The following NAPB variants were observed in gnomAD, a reference collection of about 807,000 sequenced individuals.
NAPB encodes NSF attachment protein beta, also known as beta-soluble NSF attachment protein.
Under a neutral mutation model 44.7 loss-of-function variants are expected in NAPB, and 26 were observed. That is an observed-to-expected ratio of 0.58 (90% CI 0.43 to 0.81). The LOEUF (loss-of-function observed/expected upper bound fraction) is 0.81. NAPB is among the 30% of genes least tolerant of loss of function. The probability of loss-of-function intolerance (pLI) is 0.00; values close to 1 mark genes in which losing one functional copy is unlikely to be tolerated. For missense variants in NAPB, 315 were observed against 356.4 expected (o/e 0.88, Z 0.94); for synonymous variants, 120 against 116.8 (o/e 1.03, Z -0.18).
chr20:23,379,994 A>T, intron 8 of NAPB, 59 bp from the exon 9 acceptor site: 1 of 1,388,458 alleles, frequency 7.2e-7, no homozygotes, highest in Non-Finnish European at 1.0e-6. Context: ...AGCTTTCAAC[A>T]TTCTATCAGC....
rs141596476 is a variant in NAPB at position 23,383,195 on chromosome 20, A to G, written c.562-1878T>C. Among the ~76,000 whole-genome samples, 14 of 151,312 alleles carry G rather than the reference A, an allele frequency of 9.3e-5. No homozygotes were observed. The East Asian group carries it at 2.3e-3, about 25-fold the overall frequency. On this transcript the variant is annotated intron_variant, in intron 7 of 10. Transcript: ENST00000377026. ...AAAAAAAAAAGGAAGCTGAAAAAGTACTTGAAGAAATAACTGCTAAATGAT... is the reference window on the plus strand; with the variant it reads ...AAAAAAAAAAGGAAGCTGAAAAAGTGCTTGAAGAAATAACTGCTAAATGAT...
At chr20:23,385,499 C>T (rs1983425292) in intron 7 of NAPB, among the ~76,000 whole-genome samples, 1 of 152,144 alleles carries the variant, frequency 6.6e-6, no homozygotes, top group Non-Finnish European at 1.5e-5. Flanking sequence ...GTGGCTCACA[C>T]CTGTAATCCT....
intron 3 of NAPB, among the ~76,000 whole-genome samples, chr20:23,395,417 T>G (rs906651653): frequency 6.6e-6 from 1 of 152,174 alleles, no homozygotes; most frequent in Non-Finnish European, 1.5e-5. Flanking sequence ...TGGAGTAACA[T>G]TGGCTTAGTT....
chr20:23,399,560 C>A (rs751946173), intron 2 of NAPB, among the ~76,000 whole-genome samples: 2 of 152,210 alleles, frequency 1.3e-5, no homozygotes, highest in South Asian at 2.1e-4. Context: ...TTTGTTATAG[C>A]CGCAGGAAGA....
At chr20:23,421,093 G>C (rs1338936704) in intron 1 of NAPB, among the ~76,000 whole-genome samples, 5 of 151,554 alleles carry the variant, frequency 3.3e-5, no homozygotes, top group African/African-American at 4.8e-5. Context: ...TGGAGGGCGC[G>C]TGCGGACTGA....
chr20:23,386,756 T>TTG (rs1983559942), intron 7 of NAPB, among the ~76,000 whole-genome samples: 1 of 152,224 alleles, frequency 6.6e-6, no homozygotes, highest in African/African-American at 2.4e-5. Context: ...CTGAAAGCTC[T>TTG]TCCTGGAAGT....
At chr20:23,387,038 T>G (rs936803196) in intron 7 of NAPB, among the ~76,000 whole-genome samples, 1 of 152,194 alleles carries the variant, frequency 6.6e-6, no homozygotes, top group Admixed American at 6.5e-5. Flanking sequence ...ACCATACGCT[T>G]ATCTCAATAG....
chr20:23,390,666 A>G (rs1355680092), intron 5 of NAPB, among the ~76,000 whole-genome samples: 1 of 152,242 alleles, frequency 6.6e-6, no homozygotes, highest in Non-Finnish European at 1.5e-5. Flanking sequence ...CCAAGTCCAG[A>G]GTGACACTGT....
intron 7 of NAPB, among the ~76,000 whole-genome samples, chr20:23,382,327 C>T (rs1019039893): frequency 2.0e-5 from 2 of 98,358 alleles, no homozygotes; most frequent in Non-Finnish European, 3.7e-5. Context: ...TCAAAGAAGG[C>T]CAACTGAAAA....
chr20:23,404,821 G>A (rs772037625), intron 1 of NAPB, among the ~76,000 whole-genome samples: 2 of 152,196 alleles, frequency 1.3e-5, no homozygotes, highest in South Asian at 2.1e-4. Flanking sequence ...CTGCTAGGAT[G>A]GCTAGGATGG....
intron 2 of NAPB, among the ~76,000 whole-genome samples, chr20:23,397,798 G>A (rs1568612979): frequency 1.3e-5 from 2 of 152,180 alleles, no homozygotes; most frequent in East Asian, 3.8e-4. Context: ...ACCCCATTTA[G>A]TGTGAGAATT....
At chr20:23,406,451 A>G (rs1985262344) in intron 1 of NAPB, among the ~76,000 whole-genome samples, 1 of 152,108 alleles carries the variant, frequency 6.6e-6, no homozygotes, top group South Asian at 2.1e-4. Flanking sequence ...TGTGTATTAA[A>G]TCTCAATAAA....
intron 5 of NAPB, among the ~76,000 whole-genome samples, chr20:23,392,499 G>T (rs549326327): frequency 6.6e-6 from 1 of 152,064 alleles, no homozygotes; most frequent in Admixed American, 6.5e-5. Context: ...GACCTCATTT[G>T]TATGAAAAAT....
At chr20:23,383,032 G>C (rs1983152248) in intron 7 of NAPB, among the ~76,000 whole-genome samples, 1 of 152,060 alleles carries the variant, frequency 6.6e-6, no homozygotes, top group Admixed American at 6.5e-5. Context: ...GCAAGCACCT[G>C]TAGTCCCAGC....
intron 2 of NAPB, among the ~76,000 whole-genome samples, chr20:23,401,554 G>A (rs751362256): frequency 1.3e-5 from 2 of 152,108 alleles, no homozygotes; most frequent in Non-Finnish European, 2.9e-5. Flanking sequence ...ATTTCCAAAG[G>A]TTAGAATACC....
rs1256552113 is a variant in NAPB at position 23,375,277 on chromosome 20, CATT to C, written c.*2096_*2098del. On this transcript the variant is annotated 3_prime_UTR_variant, in exon 11 of 11. Coordinates refer to ENST00000377026, the MANE Select transcript of NAPB (RefSeq NM_022080.3). ...AATTGACACAACAAAATGTTACAAACATTATTGTTAAAAAAAAATACCCCTTCA... is the reference window on the plus strand; with the variant it reads ...AATTGACACAACAAAATGTTACAAACATTGTTAAAAAAAAATACCCCTTCA... 1.3e-5 allele frequency: 2 copies of C among 152,004 alleles called. No individual in the cohort carries two copies. The highest frequency in any genetic ancestry group is 4.8e-5 in the African/African-American group (2 of 41,350). 9.4% of individuals were successfully genotyped at this position (152,004 alleles called of 1,614,324 possible). A position where few individuals can be genotyped will look rare whatever the true frequency, so the allele number is the denominator to read the frequency against.
chr20:23,381,210 T>A lies in NAPB; in HGVS notation c.666+3A>T, dbSNP rs146225683. On this transcript the variant is annotated splice_donor_region_variant and intron_variant, in intron 8 of 10. Coordinates refer to ENST00000377026, the MANE Select transcript of NAPB (RefSeq NM_022080.3). ...AGTCAATCAATGCTGAAGAACTCCTTACCTTGGCATTCAACTCGTCTACTA... is the reference window on the plus strand; with the variant it reads ...AGTCAATCAATGCTGAAGAACTCCTAACCTTGGCATTCAACTCGTCTACTA... The A allele has an allele frequency of 1.2e-6, 2 of 1,604,740 alleles. No homozygotes were observed. The highest frequency in any genetic ancestry group is 4.5e-5 in the East Asian group (2 of 44,786).
At chr20:23,418,197 A>T (rs1004002558) in intron 1 of NAPB, among the ~76,000 whole-genome samples, 6 of 152,234 alleles carry the variant, frequency 3.9e-5, no homozygotes, top group Non-Finnish European at 8.8e-5. Context: ...ATGATATTCA[A>T]GTCAGTATGT....
At chr20:23,408,339 G>A (rs1985405772) in intron 1 of NAPB, among the ~76,000 whole-genome samples, 1 of 152,182 alleles carries the variant, frequency 6.6e-6, no homozygotes, top group African/African-American at 2.4e-5. Flanking sequence ...ACAGGGCCTA[G>A]CACACAGGCC....
Sources: gnomAD v4.1 joint callset for allele counts (sites outside exome capture counted in the v4.1 genomes callset) on GRCh38, gnomAD v4.1.1 for gene constraint, MANE v1.5 for transcripts, NCBI Gene and HGNC (gene_info 2026-07-23, HGNC 2026-07-21) for gene names.